The following GPA33 variants were observed in gnomAD, a reference collection of about 807,000 sequenced individuals.
GPA33 encodes the protein glycoprotein A33.
In GPA33, 27 loss-of-function variants were observed where a neutral mutation model predicts 35.6. That is an observed-to-expected ratio of 0.76 (90% CI 0.56 to 1.04). GPA33 has a LOEUF of 1.04. Ranked by LOEUF, GPA33 falls within the 50% of genes least tolerant of loss-of-function variation. GPA33 has a pLI of 0.00. For synonymous variants in GPA33, 176 were observed against 164.0 expected (o/e 1.07, Z -0.56); for missense variants, 428 against 411.9 (o/e 1.04, Z -0.34).
In GPA33 at chr1:167,060,039, GGAA is replaced by G. The variant is rs371882093; in HGVS notation, c.571+3540_571+3542del. ...GAAATAATTTGGGCTGACCCACAGA[GGAA>G]GAAGAATTAGCAGATTCTCTCTATT... On this transcript the variant is annotated intron_variant, in intron 4 of 6. Coordinates refer to ENST00000367868, the MANE Select transcript of GPA33 (RefSeq NM_005814.3). 2.1e-3 allele frequency among the ~76,000 whole-genome samples: 313 copies of G among 152,300 alleles called. 1 individual carries two copies. The highest frequency in any genetic ancestry group is 7.3e-3 in the African/African-American group (302 of 41,562).
intron 1 of GPA33, among the ~76,000 whole-genome samples, chr1:167,074,802 G>A (rs531806535): frequency 1.1e-3 from 164 of 151,936 alleles, no homozygotes; most frequent in African/African-American, 3.7e-3. Flanking sequence ...GGTGGTCTCA[G>A]ATTGCATAGA....
At chr1:167,090,078 T>G (rs1453807496) in intron 1 of GPA33, among the ~76,000 whole-genome samples, 167 bp downstream of exon 1, 1 of 152,174 alleles carries the variant, frequency 6.6e-6, no homozygotes, top group Non-Finnish European at 1.5e-5. Context: ...ATAAAAACCA[T>G]TCTGATTCTG....
chr1:167,054,398 T>C lies in GPA33; in HGVS notation c.896A>G (p.Asp299Gly), dbSNP rs561800466. ...RELSREREEE[D>G]DYRQEEQRST... ...CCTCTGCTCTTCTTGCCTGTAGTCA[T>C]CCTCCTCCTCCCTCTCTCTGGAAAG... is the stretch of plus-strand genomic sequence containing the variant. The change falls in exon 7 of 7, where the codon GAT becomes GGT. Residue 299 changes from aspartate to glycine, a missense_variant. Transcript: ENST00000367868. The C allele has an allele frequency of 6.2e-7, 1 of 1,613,890 alleles. No individual in the cohort carries two copies. Among genetic ancestry groups the C allele is most frequent in the South Asian group, 1.1e-5 (1 of 91,010 alleles).
Position 167,063,437 on chromosome 1 carries a change from T to TGGGGAGAG in GPA33, c.571+144_571+145insCTCTCCCC, listed in dbSNP as rs1380554915. 4 of 634,138 alleles carry TGGGGAGAG rather than the reference T, an allele frequency of 6.3e-6. No homozygotes were observed. The East Asian group carries it at 1.1e-4, about 18-fold the overall frequency. 39.3% of individuals were successfully genotyped at this position (634,138 alleles called of 1,614,324 possible). The stretch of plus-strand genomic sequence containing the variant: ...AACAAGAAACCAGTGCTTAGAGAGG[T>TGGGGAGAG]GGGGATAGGGGGATAGGGATGGGTA... On this transcript the variant is annotated intron_variant, in intron 4 of 6. Coordinates refer to ENST00000367868, the MANE Select transcript of GPA33 (RefSeq NM_005814.3).
chr1:167,056,847 AATGTGTGTGG>A (rs1666310188), intron 4 of GPA33, among the ~76,000 whole-genome samples: 6 of 140,764 alleles, frequency 4.3e-5, no homozygotes, highest in East Asian at 2.1e-4. Flanking sequence ...GTGAGTGTGT[AATGTGTGTGG>A]TGTGTGTGTG....
intron 1 of GPA33, among the ~76,000 whole-genome samples, chr1:167,088,040 C>T (rs1667089319): frequency 2.0e-5 from 3 of 152,182 alleles, no homozygotes; most frequent in African/African-American, 7.2e-5. Flanking sequence ...ATAGCTTCTG[C>T]TTCCTCCAAC....
chr1:167,068,993 T>C lies in GPA33; in HGVS notation c.344A>G (p.Tyr115Cys). 6.2e-7 allele frequency: 1 copy of C among 1,614,032 alleles called. No homozygotes were observed. Among genetic ancestry groups the C allele is most frequent in the African/African-American group, 1.3e-5 (1 of 75,036 alleles). The part of the protein sequence containing the change: ...DQLTMADNGT[Y>C]ECSVSLMSDL... The stretch of plus-strand genomic sequence containing the variant: ...TGACATCAGCGAGACAGAACACTCG[T>C]AGGTGCCGTTGTCAGCCATGGTCAG... Residue 115 changes from tyrosine (Y) to cysteine (C), a missense_variant, in exon 3 of 7, where the codon TAC becomes TGC. Transcript: ENST00000367868.
chr1:167,067,283 T>TATTC (rs144438830), intron 3 of GPA33, among the ~76,000 whole-genome samples: 2 of 151,342 alleles, frequency 1.3e-5, no homozygotes, highest in African/African-American at 4.9e-5. Context: ...TCAATTTATT[T>TATTC]ATTTATTTAT....
chr1:167,077,864 C>T (rs755209829), intron 1 of GPA33, among the ~76,000 whole-genome samples: 1 of 152,218 alleles, frequency 6.6e-6, no homozygotes, highest in Non-Finnish European at 1.5e-5. Flanking sequence ...TTCATACTCT[C>T]TTTAATGATA....
intron 1 of GPA33, among the ~76,000 whole-genome samples, chr1:167,074,941 C>T (rs1666794283): frequency 7.0e-6 from 1 of 143,246 alleles, no homozygotes; most frequent in African/African-American, 2.6e-5. Context: ...GAGAGTCTCG[C>T]TCTGTTGCCA....
chr1:167,056,785 A>T (rs1558002088), intron 4 of GPA33, among the ~76,000 whole-genome samples: 156 of 1,612 alleles, frequency 0.097, 5 homozygotes, highest in East Asian at 0.22. Flanking sequence ...TGGCATGTGT[A>T]GTGTGGTGCG....
chr1:167,056,789 TG>T (rs1666303526), intron 4 of GPA33, among the ~76,000 whole-genome samples: 1 of 2,056 alleles, frequency 4.9e-4, no homozygotes, highest in African/African-American at 2.2e-3. Context: ...ATGTGTAGTG[TG>T]GTGCGTGTGG....
At chr1:167,063,822 A>G in intron 3 of GPA33, 85 bp from the exon 4 acceptor site, 1 of 811,448 alleles carries the variant, frequency 1.2e-6, no homozygotes, top group Non-Finnish European at 1.8e-6. Context: ...CACCCCCCAC[A>G]CACATATACT....
In GPA33 at chr1:167,055,715, G is replaced by A. The variant is rs372593751; in HGVS notation, c.691+15C>T. The A allele has an allele frequency of 2.0e-4, 326 of 1,613,052 alleles. 3 individuals are homozygous for A. The South Asian group carries it at 2.3e-3, about 11-fold the overall frequency. ...TGTGGCGTTTGTCAGCCCTCCCCCCGCAGGCTGCTCTTACGAGATCTGACG... is the reference window on the plus strand; with the variant it reads ...TGTGGCGTTTGTCAGCCCTCCCCCCACAGGCTGCTCTTACGAGATCTGACG... On this transcript the variant is annotated intron_variant, in intron 5 of 6. Transcript: ENST00000367868.
In GPA33 at chr1:167,052,934, G is replaced by A. The variant is rs996257034; in HGVS notation, c.*1400C>T. The A allele has an allele frequency of 4.6e-5, 7 of 152,088 alleles. No homozygotes were observed. The highest frequency in any genetic ancestry group is 7.4e-5 in the Non-Finnish European group (5 of 68,014). The allele number at this position is 152,088 out of a possible 1,614,324, so 9.4% of individuals were successfully genotyped here. A position where few individuals can be genotyped will look rare whatever the true frequency, so the allele number is the denominator to read the frequency against. On this transcript the variant is annotated 3_prime_UTR_variant, in exon 7 of 7. Transcript: ENST00000367868. ...AAAAATATACATTTTTTAAAAAATC[G>A]CAAGTAGACAATAGATTTATGGAAT...
At chr1:167,071,560 G>T (rs1317675317) in intron 2 of GPA33, among the ~76,000 whole-genome samples, 1 of 152,196 alleles carries the variant, frequency 6.6e-6, no homozygotes, top group African/African-American at 2.4e-5. Context: ...CCAGGTTGAG[G>T]CAGACAGCTC....
chr1:167,083,964 G>A (rs952480780), intron 1 of GPA33, among the ~76,000 whole-genome samples: 4 of 152,152 alleles, frequency 2.6e-5, no homozygotes, highest in Non-Finnish European at 5.9e-5. Flanking sequence ...AAGTAGTTGA[G>A]GACAAATCCT....
rs201242538 is a variant in GPA33 at position 167,069,121 on chromosome 1, C to A, written c.216G>T (p.Trp72Cys). Reference sequence around the variant, plus strand: ...GGATGTAGTTTTTGTTTGAAAACGGCCAGATGACCACCCTTTCCTGGAGAG... The same window carrying A: ...GGATGTAGTTTTTGTTTGAAAACGGACAGATGACCACCCTTTCCTGGAGAG... ...LLTHTERVVI[W>C]PFSNKNYIHG... The change falls in exon 3 of 7, where the codon TGG becomes TGT. Residue 72 changes from tryptophan to cysteine, a missense_variant. Trp to Cys is a radical substitution (Grantham distance 215). Coordinates refer to ENST00000367868, the MANE Select transcript of GPA33 (RefSeq NM_005814.3). 100 of 1,612,538 alleles carry A rather than the reference C, an allele frequency of 6.2e-5. No homozygotes were observed. The highest frequency in any genetic ancestry group is 8.0e-5 in the Non-Finnish European group (94 of 1,178,784).
rs1461722660 is a variant in GPA33 at position 167,055,034 on chromosome 1, AGAT to A, written c.766_768del (p.Ile256del). ...TCCTTCCCTCGGCAGCAGCAGCAGT[AGAT>A]GATGATGCCAATGATAATGAGGGCT... On this transcript the variant is annotated inframe_deletion, in exon 6 of 7. Transcript: ENST00000367868. 3.7e-6 allele frequency: 6 copies of A among 1,613,838 alleles called. No individual in the cohort carries two copies. Among genetic ancestry groups the A allele is most frequent in the Non-Finnish European group, 5.1e-6 (6 of 1,179,858 alleles).
Sources: gnomAD v4.1 joint callset for allele counts (sites outside exome capture counted in the v4.1 genomes callset) on GRCh38, gnomAD v4.1.1 for gene constraint, MANE v1.5 for transcripts, NCBI Gene and HGNC (gene_info 2026-07-23, HGNC 2026-07-21) for gene names.